The following ZNF536 variants were observed in gnomAD, a reference collection of about 807,000 sequenced individuals.
ZNF536 encodes zinc finger protein 536.
A neutral mutation model predicts 84.5 loss-of-function variants in ZNF536; 13 were observed. That is an observed-to-expected ratio of 0.15 (90% confidence interval 0.10 to 0.24). The LOEUF (loss-of-function observed/expected upper bound fraction) is 0.24. Ranked by LOEUF, ZNF536 falls within the 10% of genes least tolerant of loss-of-function variation. The pLI, the probability that ZNF536 is intolerant of heterozygous loss-of-function variation, is 1.00. For missense variants in ZNF536, 1,536 were observed against 1,747.5 expected (o/e 0.88, Z 2.16); for synonymous variants, 811 against 742.5 (o/e 1.09, Z -1.50).
intron 2 of ZNF536, among the ~76,000 whole-genome samples, chr19:30,324,619 T>C (rs1156926003): frequency 6.6e-6 from 1 of 152,186 alleles, no homozygotes; most frequent in African/African-American, 2.4e-5. Flanking sequence ...CTTGAACTCC[T>C]GGGCTCAAGT....
intron 1 of ZNF536, among the ~76,000 whole-genome samples, chr19:30,672,360 A>G (rs561303657): frequency 1.3e-5 from 2 of 152,194 alleles, no homozygotes; most frequent in Non-Finnish European, 2.9e-5. Context: ...CTTACATGCA[A>G]TATTTTACAT....
chr19:30,697,091 G>A (rs112989679), intron 1 of ZNF536, among the ~76,000 whole-genome samples: 3,382 of 152,262 alleles, frequency 0.022, 61 homozygotes, highest in Non-Finnish European at 0.036. Context: ...CAGTCATGGC[G>A]TAAGGTAAAG....
chr19:30,330,021 AAG>A (rs2047158564), intron 2 of ZNF536, among the ~76,000 whole-genome samples: 2 of 152,296 alleles, frequency 1.3e-5, no homozygotes, highest in Admixed American at 1.3e-4. Context: ...CTGTATTTGA[AAG>A]CACTTATTTT....
chr19:30,237,018 T>C (rs983740888), intron 1 of ZNF536, among the ~76,000 whole-genome samples: 6 of 151,402 alleles, frequency 4.0e-5, no homozygotes, highest in African/African-American at 1.5e-4. Flanking sequence ...TCTCAAAATG[T>C]TGACAGGAGC....
At chr19:30,448,404 TTTA>T (rs2052450177) in intron 2 of ZNF536, among the ~76,000 whole-genome samples, 1 of 152,162 alleles carries the variant, frequency 6.6e-6, no homozygotes, top group Non-Finnish European at 1.5e-5. Context: ...CAATGGGTAT[TTTA>T]TTATTACCTG....
chr19:30,579,891 C>T (rs2046861115), intron 1 of ZNF536, among the ~76,000 whole-genome samples: 1 of 152,208 alleles, frequency 6.6e-6, no homozygotes, highest in African/African-American at 2.4e-5. Flanking sequence ...CACCACTGAA[C>T]CCATTCTTCC....
chr19:30,575,799 C>G (rs149339872), intron 1 of ZNF536, among the ~76,000 whole-genome samples: 1 of 152,188 alleles, frequency 6.6e-6, no homozygotes. Context: ...GAAGCCAGTG[C>G]GTTCCTCGGA....
chr19:30,307,905 TA>T (rs2046389010), intron 2 of ZNF536, among the ~76,000 whole-genome samples: 1 of 152,248 alleles, frequency 6.6e-6, no homozygotes, highest in Admixed American at 6.5e-5. Flanking sequence ...CACATTCCTT[TA>T]ACACTGGCAT....
chr19:30,627,418 C>CCA (rs901073054), intron 1 of ZNF536, among the ~76,000 whole-genome samples: 4 of 131,944 alleles, frequency 3.0e-5, no homozygotes, highest in African/African-American at 8.8e-5. Context: ...CTGCAGTGAG[C>CCA]CATGGTTGTG....
intron 1 of ZNF536, among the ~76,000 whole-genome samples, chr19:30,431,330 C>T (rs1054852622): frequency 4.6e-5 from 7 of 152,168 alleles, no homozygotes; most frequent in African/African-American, 1.7e-4. Context: ...CCAAAAAGGA[C>T]CAAGGGCCCA....
rs747588140 is a variant in ZNF536 at position 30,519,340 on chromosome 19, C to T, written c.2171-15507C>T. Among the ~76,000 whole-genome samples, 4 of 152,196 alleles carry T rather than the reference C, an allele frequency of 2.6e-5. No homozygotes were observed. The East Asian group carries it at 7.7e-4, about 29-fold the overall frequency. The stretch of plus-strand genomic sequence containing the variant: ...GGGAAGGGCCCTGTGGCAGGAGGGA[C>T]TGGAAGCTTTGCACAGCACCTTGGG... On this transcript the variant is annotated intron_variant, in intron 2 of 4. Coordinates refer to ENST00000355537, the MANE Select transcript of ZNF536 (RefSeq NM_014717.3).
chr19:30,623,020 G>GTTTTT (rs66483120), intron 1 of ZNF536, among the ~76,000 whole-genome samples: 2 of 129,538 alleles, frequency 1.5e-5, no homozygotes, highest in Non-Finnish European at 3.2e-5. Flanking sequence ...AAAATCTTGT[G>GTTTTT]TTTTTTTTTT....
chr19:30,562,184 TA>T (rs572122491), downstream of ZNF536, among the ~76,000 whole-genome samples: 479 of 152,246 alleles, frequency 3.1e-3, 3 homozygotes, highest in South Asian at 8.3e-3. Flanking sequence ...TCTTAGGTCT[TA>T]AACTCTATAG....
chr19:30,286,486 G>GAGAGAGAGAGAGACAGAC (rs1491025875), intron 2 of ZNF536, among the ~76,000 whole-genome samples: 2 of 151,218 alleles, frequency 1.3e-5, no homozygotes, highest in East Asian at 3.9e-4. Flanking sequence ...TTGAGCATAG[G>GAGAGAGAGAGAGACAGAC]AGAGAGAGAG....
Position 30,253,885 on chromosome 19 carries a change from A to C in ZNF536, c.-190+25212A>C, listed in dbSNP as rs1267953058. On this transcript the variant is annotated intron_variant, in intron 1 of 5. Transcript: ENST00000585628. ...AAATAAAAGCCTCATCAGATTAGTG[A>C]GTCAGAAAAGACGCTAATCCCAACC... is the stretch of plus-strand genomic sequence containing the variant. 3.3e-5 allele frequency among the ~76,000 whole-genome samples: 5 copies of C among 152,182 alleles called. No homozygotes were observed. In the South Asian group the frequency reaches 1.0e-3, roughly 31 times the overall value.
At chr19:30,470,725 G>A (rs1460836716) in intron 2 of ZNF536, among the ~76,000 whole-genome samples, 11 of 140,836 alleles carry the variant, frequency 7.8e-5, no homozygotes, top group Non-Finnish European at 1.2e-4. Context: ...TCGCTCTATC[G>A]CCCAGGCTGG....
intron 1 of ZNF536, among the ~76,000 whole-genome samples, chr19:30,630,915 A>C (rs776859271): frequency 7.2e-5 from 11 of 152,250 alleles, no homozygotes; most frequent in Non-Finnish European, 1.5e-4. Context: ...CCTGTTCTGC[A>C]AGGCCATCCA....
intron 1 of ZNF536, among the ~76,000 whole-genome samples, chr19:30,433,622 C>G (rs112358291): frequency 6.6e-6 from 1 of 152,112 alleles, no homozygotes; most frequent in Non-Finnish European, 1.5e-5. Flanking sequence ...TTCAGCCTCC[C>G]GAGTAGCTGG....
chr19:30,417,632 G>A (rs535818028), intron 1 of ZNF536, among the ~76,000 whole-genome samples: 2 of 152,178 alleles, frequency 1.3e-5, no homozygotes, highest in South Asian at 4.2e-4. Flanking sequence ...TTTGCTAATT[G>A]CATTAGTTAG....
Sources: gnomAD v4.1 joint callset for allele counts (sites outside exome capture counted in the v4.1 genomes callset) on GRCh38, gnomAD v4.1.1 for gene constraint, MANE v1.5 for transcripts, NCBI Gene and HGNC (gene_info 2026-07-23, HGNC 2026-07-21) for gene names.